C12orf43: variants seen among roughly 807,000 people sequenced by gnomAD.
C12orf43 encodes the protein chromosome 12 open reading frame 43.
In C12orf43, 15 loss-of-function variants were observed where a neutral mutation model predicts 20.6. That is an observed-to-expected ratio of 0.73 (90% CI 0.49 to 1.12). The LOEUF is 1.12. Among genes scored for constraint, C12orf43 ranks in the 50% most tolerant of loss-of-function variants. C12orf43 has a pLI of 0.00. For missense variants in C12orf43, 334 were observed against 344.4 expected, an observed-to-expected ratio of 0.97 and a Z score of 0.24; for synonymous variants, 144 against 130.8, an observed-to-expected ratio of 1.10 and a Z score of -0.69.
rs376970818 is a variant in C12orf43 at position 121,010,962 on chromosome 12, G to A, written c.189-36C>T. ...CACAAAGAGACCTCACTTCCTGCCC[G>A]CTCAGAAGCTGTCCCCATGAGCACA... On this transcript the variant is annotated intron_variant, in intron 2 of 5. Coordinates refer to ENST00000288757, the MANE Select transcript of C12orf43 (RefSeq NM_022895.3). 90 of 1,609,160 alleles carry A rather than the reference G, an allele frequency of 5.6e-5. No individual in the cohort carries two copies. In the African/African-American group the frequency reaches 5.6e-4, roughly 10 times the overall value.
Position 121,010,939 on chromosome 12 carries a change from C to T in C12orf43, c.189-13G>A. 6.2e-7 allele frequency: 1 copy of T among 1,614,026 alleles called. No homozygotes were observed. The highest frequency in any genetic ancestry group is 8.5e-7 in the Non-Finnish European group (1 of 1,179,900). ...ATTCACCTTATGCCTACGACACACACAAAGAGACCTCACTTCCTGCCCGCT... is the reference window on the plus strand; with the variant it reads ...ATTCACCTTATGCCTACGACACACATAAAGAGACCTCACTTCCTGCCCGCT... On this transcript the variant is annotated splice_polypyrimidine_tract_variant and intron_variant, in intron 2 of 5. Coordinates refer to ENST00000288757, the MANE Select transcript of C12orf43 (RefSeq NM_022895.3).
chr12:121,006,599 C>T (rs1328708723), intron 3 of C12orf43: 1 of 557,184 alleles, frequency 1.8e-6, no homozygotes, highest in Non-Finnish European at 3.2e-6. Flanking sequence ...TTCTTTAAAG[C>T]CCACTTTATT....
In C12orf43 at chr12:121,001,691, C is replaced by G. The variant is rs964610441; in HGVS notation, c.*2462G>C. 29 of 481,404 alleles carry G rather than the reference C, an allele frequency of 6.0e-5. 1 individual carries two copies. In the Middle Eastern group the frequency reaches 9.1e-4, roughly 15 times the overall value. 29.8% of individuals were successfully genotyped at this position (481,404 alleles called of 1,614,324 possible). On this transcript the variant is annotated 3_prime_UTR_variant, in exon 6 of 6. Transcript: ENST00000288757. ...ACCGGGCCACTCCTTCCTGCCCCAACTCCTTCCAGCTAGTGACCCACATGC... is the reference window on the plus strand; with the variant it reads ...ACCGGGCCACTCCTTCCTGCCCCAAGTCCTTCCAGCTAGTGACCCACATGC...
rs1001758189 is a variant in C12orf43, at chr12:121,001,576, C to G, written c.*2577G>C. ...CCGCTACACCACTCTGGCAGCCACA[C>G]TTCTCAGGACACAGGCCTGTGTAGC... On this transcript the variant is annotated 3_prime_UTR_variant, in exon 6 of 6. Transcript: ENST00000288757. 9.1e-6 allele frequency: 4 copies of G among 440,122 alleles called. No individual in the cohort carries two copies. The highest frequency in any genetic ancestry group is 2.0e-5 in the African/African-American group (1 of 50,764). The allele number at this position is 440,122 out of a possible 1,614,324, so 27.3% of individuals were successfully genotyped here.
rs1348839451 is a variant in C12orf43 at position 121,008,682 on chromosome 12, G to A, written c.287+2146C>T. 2.0e-5 allele frequency among the ~76,000 whole-genome samples: 3 copies of A among 152,314 alleles called. No individual in the cohort carries two copies. In the South Asian group the frequency reaches 6.2e-4, roughly 32 times the overall value. On this transcript the variant is annotated intron_variant, in intron 3 of 5. Coordinates refer to ENST00000288757, the MANE Select transcript of C12orf43 (RefSeq NM_022895.3). ...GGGAACCCTGTGGGATTCAGGCTGC[G>A]GGGCTCTGGCCCATCATTCTGTCTC... is the stretch of plus-strand genomic sequence containing the variant.
rs1265866178 is a variant in C12orf43, at chr12:121,003,058, G to A, written c.*1095C>T. ...TTTTTTTTTTTTGAGATAGGGTCTT[G>A]CTCCATTGCTTAGGCTAGAGTGCAG... On this transcript the variant is annotated 3_prime_UTR_variant, in exon 6 of 6. Coordinates refer to ENST00000288757, the MANE Select transcript of C12orf43 (RefSeq NM_022895.3). The A allele has an allele frequency of 7.2e-6, 1 of 138,688 alleles. No homozygotes were observed. Among genetic ancestry groups the A allele is most frequent in the Non-Finnish European group, 1.5e-5 (1 of 65,010 alleles). The allele number at this position is 138,688 out of a possible 1,614,324, so 8.6% of individuals were successfully genotyped here.
rs898278525 is a variant in C12orf43 at position 121,003,882 on chromosome 12, C to T, written c.*271G>A. 1 of 543,642 alleles carries T rather than the reference C, an allele frequency of 1.8e-6. No individual in the cohort carries two copies. The highest frequency in any genetic ancestry group is 3.3e-6 in the Non-Finnish European group (1 of 303,098). The allele number at this position is 543,642 out of a possible 1,614,324, so 33.7% of individuals were successfully genotyped here. ...TGGAAGGTTCCTTTTTTCCTGAGGT[C>T]ATGAAATGTTCTGGAACCACAGCGC... is the stretch of plus-strand genomic sequence containing the variant. On this transcript the variant is annotated 3_prime_UTR_variant, in exon 6 of 6. Transcript: ENST00000288757.
Position 121,003,979 on chromosome 12 carries a change from TGGCCCAAC to T in C12orf43, c.*166_*173del, listed in dbSNP as rs1462874206. On this transcript the variant is annotated 3_prime_UTR_variant, in exon 6 of 6. Coordinates refer to ENST00000288757, the MANE Select transcript of C12orf43 (RefSeq NM_022895.3). ...TCTTCTCACCCTACAGCCACTTTTTTGGCCCAACTCTCGAGCAAGCCTTCATCACCATC... is the reference window on the plus strand; with the variant it reads ...TCTTCTCACCCTACAGCCACTTTTTTTCTCGAGCAAGCCTTCATCACCATC... 2.9e-6 allele frequency: 2 copies of T among 700,242 alleles called. No individual in the cohort carries two copies. The highest frequency in any genetic ancestry group is 2.5e-5 in the Admixed American group (1 of 40,014). The allele number at this position is 700,242 out of a possible 1,614,324, so 43.4% of individuals were successfully genotyped here. A position where few individuals can be genotyped will look rare whatever the true frequency, so the allele number is the denominator to read the frequency against.
chr12:121,009,484 A>G (rs1878279144), intron 3 of C12orf43, among the ~76,000 whole-genome samples: 1 of 152,136 alleles, frequency 6.6e-6, no homozygotes, highest in African/African-American at 2.4e-5. Context: ...AACCCAAGGT[A>G]TTAGGATTAG....
chr12:121,004,453 C>T lies in C12orf43; in HGVS notation c.489G>A (p.Glu163=), dbSNP rs1277470171. The T allele has an allele frequency of 1.2e-6, 2 of 1,609,592 alleles. No homozygotes were observed. Among genetic ancestry groups the T allele is most frequent in the African/African-American group, 1.3e-5 (1 of 74,872 alleles). Residue 163 remains glutamate, a synonymous_variant, in exon 6 of 6, where the codon GAG becomes GAA. Transcript: ENST00000288757. The surrounding 1 kb of genome is among the most constrained non-coding windows in gnomAD (Gnocchi z 5.6). ...DSDEEWRRCR[E]AAVSASDILQ... is the part of the protein sequence containing the mutation. ...GGATGTCGGACGCCGACACAGCTGC[C>T]TCCCGGCACCGCCGCCACTCCTCGT...
chr12:121,016,382 C>T lies in C12orf43; in HGVS notation c.93G>A (p.Met31Ile). 6.2e-7 allele frequency: 1 copy of T among 1,613,908 alleles called. No individual in the cohort carries two copies. Among genetic ancestry groups the T allele is most frequent in the Non-Finnish European group, 8.5e-7 (1 of 1,180,046 alleles). The change falls in exon 1 of 6, where the codon ATG (methionine) becomes ATA (isoleucine). Residue 31 changes from methionine to isoleucine, a missense_variant. Met to Ile is a conservative substitution (Grantham distance 10). Coordinates refer to ENST00000288757, the MANE Select transcript of C12orf43 (RefSeq NM_022895.3). The part of the protein sequence containing the change: ...EELERCREAA[M>I]PAWGLEQRPH... Reference sequence around the variant, plus strand: ...GGCGTTGCTCCAAGCCCCAAGCCGGCATTGCCGCCTCGCGGCACCGCTCCA... The same window carrying T: ...GGCGTTGCTCCAAGCCCCAAGCCGGTATTGCCGCCTCGCGGCACCGCTCCA...
At position 121,001,872 on chromosome 12, in the gene C12orf43, C is replaced by G; in HGVS notation, c.*2281G>C. On this transcript the variant is annotated 3_prime_UTR_variant, in exon 6 of 6. Transcript: ENST00000288757. ...GGCTTCCCATCCCCAGCGATTCCCT[C>G]TCCCAGGCCCCATGACCTCCAGCTT... 1.9e-6 allele frequency: 1 copy of G among 517,772 alleles called. No homozygotes were observed. The highest frequency in any genetic ancestry group is 3.7e-6 in the Non-Finnish European group (1 of 266,722). 32.1% of individuals were successfully genotyped at this position (517,772 alleles called of 1,614,324 possible). A position where few individuals can be genotyped will look rare whatever the true frequency, so the allele number is the denominator to read the frequency against.
intron 3 of C12orf43, among the ~76,000 whole-genome samples, chr12:121,009,866 GAT>G (rs1878311647): frequency 6.6e-6 from 1 of 152,252 alleles, no homozygotes. Flanking sequence ...GAGAATGTAA[GAT>G]AGAGACCTGG....
At position 121,010,877 on chromosome 12, in the gene C12orf43, G is replaced by C; in HGVS notation, c.238C>G (p.Pro80Ala). The change falls in exon 3 of 6, where the codon CCT (proline) becomes GCT (alanine). Residue 80 changes from proline (P) to alanine (A), a missense_variant. By Grantham distance (27) the Pro-to-Ala change is conservative (BLOSUM62 -1). Coordinates refer to ENST00000288757, the MANE Select transcript of C12orf43 (RefSeq NM_022895.3). ...EQDGNELQTT[P>A]EFRAHVAKKL... Reference sequence around the variant, plus strand: ...TTGGCTACGTGGGCTCGGAATTCAGGGGTGGTCTGAAGCTCGTTGCCATCT... The same window carrying C: ...TTGGCTACGTGGGCTCGGAATTCAGCGGTGGTCTGAAGCTCGTTGCCATCT... The C allele has an allele frequency of 6.2e-7, 1 of 1,614,096 alleles. No homozygotes were observed. The highest frequency in any genetic ancestry group is 8.5e-7 in the Non-Finnish European group (1 of 1,179,996).
rs571134960 is a variant in C12orf43, at chr12:121,002,057, G to C, written c.*2096C>G. 1.9e-6 allele frequency: 1 copy of C among 536,772 alleles called. No individual in the cohort carries two copies. Among genetic ancestry groups the C allele is most frequent in the Non-Finnish European group, 3.6e-6 (1 of 276,692 alleles). The allele number at this position is 536,772 out of a possible 1,614,324, so 33.3% of individuals were successfully genotyped here. On this transcript the variant is annotated 3_prime_UTR_variant, in exon 6 of 6. Coordinates refer to ENST00000288757, the MANE Select transcript of C12orf43 (RefSeq NM_022895.3). ...CCTGGTGGGGCAGCTCCTCTGTCTCGAGCGCCCTGCAGACCCTGCCCTTGT... is the reference window on the plus strand; with the variant it reads ...CCTGGTGGGGCAGCTCCTCTGTCTCCAGCGCCCTGCAGACCCTGCCCTTGT...
Position 121,002,743 on chromosome 12 carries a change from C to G in C12orf43, c.*1410G>C, listed in dbSNP as rs899541337. 2 of 305,860 alleles carry G rather than the reference C, an allele frequency of 6.5e-6. No homozygotes were observed. Among genetic ancestry groups the G allele is most frequent in the Non-Finnish European group, 1.3e-5 (2 of 155,920 alleles). The allele number at this position is 305,860 out of a possible 1,614,324, so 18.9% of individuals were successfully genotyped here. On this transcript the variant is annotated 3_prime_UTR_variant, in exon 6 of 6. Coordinates refer to ENST00000288757, the MANE Select transcript of C12orf43 (RefSeq NM_022895.3). ...TTTTGGAGACAGGGTCTCACTGTCA[C>G]CCAGGCTGGACTGCAGTGGCATTAT...
chr12:121,006,132 C>T (rs1877993891), intron 4 of C12orf43, 189 bp downstream of exon 4: 2 of 538,830 alleles, frequency 3.7e-6, no homozygotes, highest in Non-Finnish European at 6.6e-6. Flanking sequence ...GGGAGGACTG[C>T]TTGGGTCCGG....
rs373554058 is a variant in C12orf43 at position 121,001,784 on chromosome 12, G to A, written c.*2369C>T. 3.7e-6 allele frequency: 2 copies of A among 536,174 alleles called. No individual in the cohort carries two copies. Among genetic ancestry groups the A allele is most frequent in the African/African-American group, 1.9e-5 (1 of 53,946 alleles). 33.2% of individuals were successfully genotyped at this position (536,174 alleles called of 1,614,324 possible). A position where few individuals can be genotyped will look rare whatever the true frequency, so the allele number is the denominator to read the frequency against. Reference sequence around the variant, plus strand: ...GGGTGGCTACTCTGTGCCAGAGCCTGGGGCTCTAACGCCTGAGCCCAGGGA... The same window carrying A: ...GGGTGGCTACTCTGTGCCAGAGCCTAGGGCTCTAACGCCTGAGCCCAGGGA... On this transcript the variant is annotated 3_prime_UTR_variant, in exon 6 of 6. Transcript: ENST00000288757.
intron 3 of C12orf43, among the ~76,000 whole-genome samples, chr12:121,007,788 T>C (rs1878135270): frequency 6.6e-6 from 1 of 151,858 alleles, no homozygotes. Context: ...TTCCCTAACC[T>C]CCCTTCCTGT....
Sources: gnomAD v4.1 joint callset for allele counts (sites outside exome capture counted in the v4.1 genomes callset) on GRCh38, gnomAD v4.1.1 for gene constraint, Gnocchi (gnomAD v3.1) non-coding constraint, MANE v1.5 for transcripts, NCBI Gene and HGNC (gene_info 2026-07-23, HGNC 2026-07-21) for gene names.